Variants in SGCZ observed in about 807,000 individuals in gnomAD.
The protein encoded by SGCZ is zeta-sarcoglycan.
Under a neutral mutation model 41.3 loss-of-function variants are expected in SGCZ, and 40 were observed. The observed-to-expected ratio is 0.97, with a 90% CI of 0.75 to 1.26. SGCZ has a LOEUF of 1.26. SGCZ is among the 50% of genes most tolerant of loss of function. The probability of loss-of-function intolerance (pLI) is 0.00; values close to 1 mark genes in which losing one functional copy is unlikely to be tolerated. For synonymous variants in SGCZ, 206 were observed against 137.5 expected, an observed-to-expected ratio of 1.50 and a Z score of -3.49; for missense variants, 552 against 369.8, an observed-to-expected ratio of 1.49 and a Z score of -4.04.
intron 1 of SGCZ, among the ~76,000 whole-genome samples, chr8:14,839,939 G>A (rs1296059822): frequency 6.6e-6 from 1 of 152,014 alleles, no homozygotes; most frequent in African/African-American, 2.4e-5. Flanking sequence ...ATTGCAAGAT[G>A]TATATTCTAA....
intron 2 of SGCZ, among the ~76,000 whole-genome samples, chr8:14,421,048 T>G (rs1191024796): frequency 6.6e-6 from 1 of 152,110 alleles, no homozygotes; most frequent in African/African-American, 2.4e-5. Flanking sequence ...AATGAGATGA[T>G]TTTATTCTAA....
chr8:14,710,201 T>TAA (rs200986748), intron 1 of SGCZ, among the ~76,000 whole-genome samples: 6,154 of 133,530 alleles, frequency 0.046, 419 homozygotes, highest in African/African-American at 0.17. Context: ...CCGTCTCTAC[T>TAA]AAAAAAAACA....
rs144769746 is a variant in SGCZ at position 14,220,961 on chromosome 8, C to T, written c.424+16631G>A. 1.1e-4 allele frequency among the ~76,000 whole-genome samples: 17 copies of T among 151,864 alleles called. No homozygotes were observed. The East Asian group carries it at 3.1e-3, about 28-fold the overall frequency. Reference sequence around the variant, plus strand: ...TTGTTAAGATAACACAATCCTGAGTCTTTGGACATGAACTTAGAGTTTCAG... The same window carrying T: ...TTGTTAAGATAACACAATCCTGAGTTTTTGGACATGAACTTAGAGTTTCAG... On this transcript the variant is annotated intron_variant, in intron 4 of 7. Transcript: ENST00000382080.
chr8:14,578,235 C>T (rs1037658814), intron 1 of SGCZ, among the ~76,000 whole-genome samples: 20 of 152,170 alleles, frequency 1.3e-4, no homozygotes, highest in African/African-American at 4.8e-4. Context: ...TTGACTCAAC[C>T]AGGTGTGACA....
At chr8:14,381,116 T>G (rs1006759514) in intron 2 of SGCZ, among the ~76,000 whole-genome samples, 2 of 152,118 alleles carry the variant, frequency 1.3e-5, no homozygotes, top group African/African-American at 2.4e-5. Context: ...CTTTGTAAAA[T>G]TTGATAAAAT....
At chr8:14,330,412 T>G (rs954324759) in intron 2 of SGCZ, among the ~76,000 whole-genome samples, 1 of 152,112 alleles carries the variant, frequency 6.6e-6, no homozygotes, top group African/African-American at 2.4e-5. Context: ...CTTTAAAAAC[T>G]GAAAGTAATC....
At chr8:14,161,920 G>C (rs149061897) in intron 5 of SGCZ, among the ~76,000 whole-genome samples, 1 of 152,062 alleles carries the variant, frequency 6.6e-6, no homozygotes, top group Non-Finnish European at 1.5e-5. Flanking sequence ...ACACACATGG[G>C]ATGGGGAAGG....
rs180772418 is a variant in SGCZ at position 14,912,368 on chromosome 8, A to G, written c.39+325217T>C. On this transcript the variant is annotated intron_variant, in intron 1 of 7. Transcript: ENST00000382080. ...AAAGACTTCCCAATAGACACAATTT[A>G]TAAAATGTCTCCTGAGAAGAAAATA... Among the ~76,000 whole-genome samples the G allele has an allele frequency of 1.1e-4, 16 of 152,188 alleles. No homozygotes were observed. In the East Asian group the frequency reaches 2.9e-3, roughly 28 times the overall value.
intron 5 of SGCZ, among the ~76,000 whole-genome samples, chr8:14,162,894 A>C (rs557653255): frequency 7.6e-4 from 116 of 152,248 alleles, no homozygotes; most frequent in African/African-American, 2.6e-3. Flanking sequence ...CTTTCGAGAG[A>C]GGGTCTGGCT....
At chr8:14,771,845 C>G (rs2256138) in intron 1 of SGCZ, among the ~76,000 whole-genome samples, 107,318 of 151,962 alleles carry the variant, frequency 0.71, 39,017 homozygotes, top group African/African-American at 0.89. Context: ...AAAGATATTT[C>G]TTCATGAAAA....
intron 1 of SGCZ, among the ~76,000 whole-genome samples, chr8:15,051,132 T>C (rs902584421): frequency 1.3e-5 from 2 of 152,122 alleles, no homozygotes; most frequent in African/African-American, 4.8e-5. Context: ...CAGTCCTTCT[T>C]CACCTGCAGA....
intron 5 of SGCZ, among the ~76,000 whole-genome samples, chr8:14,129,752 A>G (rs1355513395): frequency 7.4e-6 from 1 of 134,272 alleles, no homozygotes; most frequent in Non-Finnish European, 1.6e-5. Flanking sequence ...ATAAAATAAT[A>G]TAATAATAGT....
intron 2 of SGCZ, among the ~76,000 whole-genome samples, chr8:14,366,406 G>T (rs747799694): frequency 6.6e-6 from 1 of 152,100 alleles, no homozygotes; most frequent in Non-Finnish European, 1.5e-5. Context: ...CCTATCATGA[G>T]AACAGCATGG....
intron 1 of SGCZ, among the ~76,000 whole-genome samples, chr8:15,078,478 T>C (rs576453628): frequency 1.3e-5 from 2 of 152,166 alleles, no homozygotes; most frequent in Non-Finnish European, 2.9e-5. Flanking sequence ...TCTATTTGCA[T>C]ACTTACTCTT....
At chr8:14,201,702 T>C (rs1231588907) in intron 4 of SGCZ, among the ~76,000 whole-genome samples, 2 of 152,168 alleles carry the variant, frequency 1.3e-5, no homozygotes, top group Non-Finnish European at 2.9e-5. Context: ...TGGTTGTAGT[T>C]ATTTGACTAT....
intron 4 of SGCZ, among the ~76,000 whole-genome samples, chr8:14,229,562 A>C (rs1228843783): frequency 6.6e-6 from 1 of 152,056 alleles, no homozygotes; most frequent in African/African-American, 2.4e-5. Flanking sequence ...TATTTTGTTA[A>C]TCTATCCTTC....
At chr8:14,946,510 C>T (rs1800451817) in intron 1 of SGCZ, among the ~76,000 whole-genome samples, 1 of 151,972 alleles carries the variant, frequency 6.6e-6, no homozygotes, top group South Asian at 2.1e-4. Context: ...AGTTCTCCCT[C>T]TAAGTTATGA....
In SGCZ at chr8:14,520,973, T is replaced by C. The variant is rs377294388; in HGVS notation, c.234+33759A>G. 3.9e-5 allele frequency among the ~76,000 whole-genome samples: 6 copies of C among 152,186 alleles called. No homozygotes were observed. In the East Asian group the frequency reaches 9.6e-4, roughly 24 times the overall value. On this transcript the variant is annotated intron_variant, in intron 2 of 7. Coordinates refer to ENST00000382080, the MANE Select transcript of SGCZ (RefSeq NM_139167.4). ...ACATAGAATCAAGAAGATAGCAGTA[T>C]ATAATTGCTTTAATTACAATTTTTG...
chr8:15,028,083 G>A (rs1288381267), intron 1 of SGCZ, among the ~76,000 whole-genome samples: 2 of 151,988 alleles, frequency 1.3e-5, no homozygotes, highest in East Asian at 3.9e-4. Flanking sequence ...ACTCCTCAAT[G>A]CTACCTAACA....
Sources: allele counts gnomAD v4.1 joint callset (sites outside exome capture counted in the v4.1 genomes callset), GRCh38; gene constraint gnomAD v4.1.1; transcripts MANE v1.5; gene names NCBI Gene and HGNC (gene_info 2026-07-23, HGNC 2026-07-21).